ZNF875: variants seen among roughly 807,000 people sequenced by gnomAD.
The protein encoded by ZNF875 is zinc finger protein 875.
In ZNF875, 14 loss-of-function variants were observed where a neutral mutation model predicts 11.2. The observed-to-expected ratio is 1.26, with a 90% CI of 0.83 to 1.96. The LOEUF is 1.96. Ranked by LOEUF, ZNF875 falls within the 30% of genes most tolerant of loss-of-function variation. The pLI, the probability that ZNF875 is intolerant of heterozygous loss-of-function variation, is 0.00. For missense variants in ZNF875, 752 were observed against 760.4 expected, an observed-to-expected ratio of 0.99 and a Z score of 0.13; for synonymous variants, 301 against 281.1, an observed-to-expected ratio of 1.07 and a Z score of -0.71.
At chr19:37,332,242 C>G (rs550548565), upstream of ZNF875, among the ~76,000 whole-genome samples, 1 of 149,382 alleles carries the variant, frequency 6.7e-6, no homozygotes, top group South Asian at 2.2e-4. Flanking sequence ...CCTCCATATG[C>G]TGAACGCTGG....
intron 2 of ZNF875, among the ~76,000 whole-genome samples, chr19:37,336,764 T>A (rs1046550638): frequency 6.6e-6 from 1 of 150,386 alleles, no homozygotes; most frequent in Admixed American, 6.6e-5. Flanking sequence ...AGAAATTAGC[T>A]GGGCATGGTG....
At chr19:37,314,376 A>G (rs1377678659), upstream of ZNF875, among the ~76,000 whole-genome samples, 1 of 130,244 alleles carries the variant, frequency 7.7e-6, no homozygotes, top group Non-Finnish European at 1.7e-5. Flanking sequence ...TTGGCCTCCC[A>G]AAGTGTTGAG....
intron 1 of ZNF875, chr19:37,322,054 C>G (rs569843798): frequency 6.6e-5 from 10 of 152,370 alleles, no homozygotes; most frequent in Non-Finnish European, 1.2e-4. Context: ...ACCCACGTCC[C>G]CCAGTGTTTG....
At position 37,363,601 on chromosome 19, in the gene ZNF875, A is replaced by G. The variant is rs749172960; in HGVS notation, c.1749A>G (p.Ala583=). 1.9e-6 allele frequency: 3 copies of G among 1,613,082 alleles called. No homozygotes were observed. Among genetic ancestry groups the G allele is most frequent in the Non-Finnish European group, 2.5e-6 (3 of 1,179,782 alleles). Residue 583 remains alanine, a synonymous_variant, in exon 5 of 5, where the codon GCA becomes GCG. Transcript: ENST00000392153. ...LTLIKHQRAH[A]GGKPHVCREC... Reference sequence around the variant, plus strand: ...TCATTAAACACCAGAGAGCACACGCAGGGGGGAAGCCTCATGTGTGCAGGG... The same window carrying G: ...TCATTAAACACCAGAGAGCACACGCGGGGGGGAAGCCTCATGTGTGCAGGG...
chr19:37,342,480 T>A (rs7253751), intron 2 of ZNF875, among the ~76,000 whole-genome samples: 2 of 150,850 alleles, frequency 1.3e-5, no homozygotes, highest in African/African-American at 2.4e-5. Flanking sequence ...TGGAGCGATA[T>A]CGGCTCACTG....
At chr19:37,335,310 C>G (rs1444902749) in intron 2 of ZNF875, 53 bp downstream of exon 2, 1 of 670,272 alleles carries the variant, frequency 1.5e-6, no homozygotes, top group African/African-American at 1.8e-5. Flanking sequence ...GGTCCCATTA[C>G]CTTTTCTTGT....
chr19:37,313,774 T>C (rs941297541), upstream of ZNF875, among the ~76,000 whole-genome samples: 37 of 151,600 alleles, frequency 2.4e-4, 1 homozygote, highest in Non-Finnish European at 8.8e-5. Flanking sequence ...GTGTGTTGAT[T>C]AATGGACTTA....
chr19:37,339,892 A>C (rs1269334785), intron 2 of ZNF875, among the ~76,000 whole-genome samples: 2 of 151,524 alleles, frequency 1.3e-5, no homozygotes, highest in African/African-American at 2.4e-5. Flanking sequence ...AAAGAATTTG[A>C]ACTTCCAATT....
chr19:37,361,758 A>G (rs1600231857), intron 4 of ZNF875, among the ~76,000 whole-genome samples: 1 of 152,090 alleles, frequency 6.6e-6, no homozygotes, highest in East Asian at 1.9e-4. Flanking sequence ...CTCTACTAAA[A>G]ATACAAAAAT....
upstream of ZNF875, among the ~76,000 whole-genome samples, chr19:37,333,663 A>C (rs1327044603): frequency 1.3e-5 from 2 of 152,098 alleles, no homozygotes; most frequent in Non-Finnish European, 2.9e-5. Flanking sequence ...GGAAAGGAAA[A>C]GATGACTCAC....
intron 1 of ZNF875, 83 bp from the exon 2 acceptor site, chr19:37,335,086 T>C: frequency 1.6e-6 from 1 of 627,878 alleles, no homozygotes; most frequent in African/African-American, 1.8e-5. Flanking sequence ...ACCCCAACTG[T>C]GGGGCTCTGG....
intron 4 of ZNF875, among the ~76,000 whole-genome samples, chr19:37,327,990 T>G (rs1250341034): frequency 1.3e-5 from 2 of 148,734 alleles, no homozygotes; most frequent in African/African-American, 5.0e-5. Context: ...GCCTGTAATC[T>G]CAGCACTTTG....
intron 4 of ZNF875, among the ~76,000 whole-genome samples, chr19:37,349,222 A>G (rs1284897710): frequency 6.6e-6 from 1 of 152,168 alleles, no homozygotes; most frequent in Non-Finnish European, 1.5e-5. Context: ...CATCTTAACT[A>G]ATTACATCTG....
chr19:37,325,987 G>A (rs962029956), intron 4 of ZNF875, among the ~76,000 whole-genome samples: 5 of 151,952 alleles, frequency 3.3e-5, no homozygotes, highest in Admixed American at 6.6e-5. Flanking sequence ...GGGATTACAC[G>A]CGTGAGCCAC....
intron 2 of ZNF875, among the ~76,000 whole-genome samples, chr19:37,335,589 A>G (rs950021331): frequency 6.6e-6 from 1 of 152,190 alleles, no homozygotes; most frequent in Admixed American, 6.5e-5. Flanking sequence ...TCCCGTATTT[A>G]TTGGTAAAAC....
intron 2 of ZNF875, chr19:37,337,495 T>G (rs1334355644): frequency 1.3e-5 from 2 of 152,150 alleles, no homozygotes; most frequent in Non-Finnish European, 2.9e-5. Flanking sequence ...CGGTCTGTCT[T>G]CCGGGCTGGT....
At chr19:37,331,584 G>T (rs1032908294), upstream of ZNF875, among the ~76,000 whole-genome samples, 2 of 148,298 alleles carry the variant, frequency 1.3e-5, no homozygotes, top group African/African-American at 2.5e-5. Context: ...GATTAAGGGC[G>T]GTGCAAGATG....
intron 2 of ZNF875, among the ~76,000 whole-genome samples, chr19:37,341,509 C>T (rs2035716158): frequency 1.3e-5 from 2 of 152,158 alleles, no homozygotes; most frequent in South Asian, 4.2e-4. Flanking sequence ...GAGGACAGCC[C>T]CAATTAACAA....
intron 1 of ZNF875, among the ~76,000 whole-genome samples, chr19:37,319,862 C>T (rs190535127): frequency 6.6e-5 from 10 of 152,260 alleles, no homozygotes; most frequent in Non-Finnish European, 1.3e-4. Flanking sequence ...ATTCCTTTGA[C>T]TCCCTCTAAC....
Sources: allele counts gnomAD v4.1 joint callset (sites outside exome capture counted in the v4.1 genomes callset), GRCh38; gene constraint gnomAD v4.1.1; transcripts MANE v1.5; gene names NCBI Gene and HGNC (gene_info 2026-07-23, HGNC 2026-07-21).